NRP2: variants seen among roughly 807,000 people sequenced by gnomAD.
NRP2 encodes the protein neuropilin-2.
NRP2 carries 52 observed loss-of-function variants against 110.4 expected under a neutral mutation model. The observed-to-expected ratio is 0.47, with a 90% CI of 0.38 to 0.59. The LOEUF is 0.59. Ranked by LOEUF, NRP2 falls within the 20% of genes least tolerant of loss-of-function variation. NRP2 has a pLI of 0.00. For synonymous variants in NRP2, 508 were observed against 468.9 expected (o/e 1.08, Z -1.08); for missense variants, 1,049 against 1,203.0 (o/e 0.87, Z 1.89).
intron 9 of NRP2, chr2:205,743,796 T>G (rs912130625): frequency 2.8e-6 from 2 of 721,620 alleles, no homozygotes; most frequent in Middle Eastern, 4.2e-4. Flanking sequence ...CAGGCTGGAG[T>G]GCAGTGGCCT....
rs77317887 is a variant in NRP2, at chr2:205,760,333, T to C, written c.2045-3341T>C. Among the ~76,000 whole-genome samples, 358 of 152,310 alleles carry C rather than the reference T, an allele frequency of 2.4e-3. 1 individual carries two copies. The highest frequency in any genetic ancestry group is 8.4e-3 in the African/African-American group (349 of 41,576). ...TGCAGCTCAGCATCTCTCTGACTGA[T>C]GTCTACTGCTAATTCCTTAAATTTA... On this transcript the variant is annotated intron_variant, in intron 12 of 16. Coordinates refer to ENST00000357785, the MANE Select transcript of NRP2 (RefSeq NM_003872.3).
At chr2:205,697,826 T>C (rs1199996667) in intron 2 of NRP2, 105 bp downstream of exon 2, 2 of 1,127,346 alleles carry the variant, frequency 1.8e-6, no homozygotes, top group African/African-American at 1.5e-5. Flanking sequence ...CAAGACCTGC[T>C]GCTAACCAGT....
Position 205,749,766 on chromosome 2 carries a change from A to C in NRP2, c.1828A>C (p.Ser610Arg), listed in dbSNP as rs200406312. The C allele has an allele frequency of 1.6e-5, 26 of 1,614,188 alleles. No homozygotes were observed. Among genetic ancestry groups the C allele is most frequent in the African/African-American group, 4.0e-5 (3 of 75,066 alleles). The change falls in exon 11 of 17, where the codon AGC becomes CGC. Residue 610 changes from serine (S) to arginine (R), a missense_variant. Ser to Arg is a moderately radical substitution (Grantham distance 110, BLOSUM62 -1). Transcript: ENST00000357785. Reference protein sequence around the residue: ...TVETLGPTVKSEETTTPYPTE... With the variant: ...TVETLGPTVKREETTTPYPTE... ...AGAGACGCTGGGACCCACTGTGAAG[A>C]GCGAAGAGACAACCACCCCCTACCC... is the stretch of plus-strand genomic sequence containing the variant.
intron 11 of NRP2, 117 bp from the exon 12 acceptor site, chr2:205,752,718 C>A: frequency 9.3e-7 from 1 of 1,072,192 alleles, no homozygotes; most frequent in Non-Finnish European, 1.4e-6. Context: ...GCAAAGGAAG[C>A]CACTTCTTTC....
At chr2:205,685,412 CCA>C (rs1201601335) in intron 1 of NRP2, among the ~76,000 whole-genome samples, 1 of 34,710 alleles carries the variant, frequency 2.9e-5, no homozygotes, top group African/African-American at 5.5e-5. Context: ...CGAGGCCAAG[CCA>C]CATACCTCTG....
Position 205,683,234 on chromosome 2 carries a change from A to T in NRP2, c.-57A>T, listed in dbSNP as rs974971969. 1.6e-6 allele frequency: 2 copies of T among 1,283,648 alleles called. No individual in the cohort carries two copies. The highest frequency in any genetic ancestry group is 2.3e-6 in the Non-Finnish European group (2 of 884,308). 79.5% of individuals were successfully genotyped at this position (1,283,648 alleles called of 1,614,324 possible). On this transcript the variant is annotated 5_prime_UTR_variant, in exon 1 of 17. Coordinates refer to ENST00000357785, the MANE Select transcript of NRP2 (RefSeq NM_003872.3). ...AGGAAAATAAAAGAGAGAAAAACAC[A>T]AAGATTTAAACAAGAAACCTACGAA...
At chr2:205,736,096 C>T (rs2057336913) in intron 7 of NRP2, among the ~76,000 whole-genome samples, 1 of 152,126 alleles carries the variant, frequency 6.6e-6, no homozygotes, top group South Asian at 2.1e-4. Flanking sequence ...AATCCCAGCA[C>T]TTTGAGAGGT....
At chr2:205,720,451 A>T (rs1575584151) in intron 3 of NRP2, among the ~76,000 whole-genome samples, 1 of 152,190 alleles carries the variant, frequency 6.6e-6, no homozygotes, top group Non-Finnish European at 1.5e-5. Flanking sequence ...CCAAAGAAAG[A>T]TTCCGCCAGA....
chr2:205,714,643 T>A lies in NRP2; in HGVS notation c.252-1550T>A, dbSNP rs849544. Among the ~76,000 whole-genome samples the A allele has an allele frequency of 4.6e-5, 7 of 152,316 alleles. No homozygotes were observed. The East Asian group carries it at 1.3e-3, about 29-fold the overall frequency. ...CTAAACAGATTCCCCAACCTCACGG[T>A]CTTCTCAATCTGTGACCATCTCTCC... On this transcript the variant is annotated intron_variant, in intron 2 of 16. Transcript: ENST00000357785.
intron 3 of NRP2, among the ~76,000 whole-genome samples, chr2:205,719,441 C>T (rs2056967335): frequency 6.7e-6 from 1 of 149,190 alleles, no homozygotes; most frequent in Non-Finnish European, 1.5e-5. Flanking sequence ...CTTAAAAGAT[C>T]TCAAATCAAG....
intron 8 of NRP2, among the ~76,000 whole-genome samples, chr2:205,741,287 C>T (rs1426310621): frequency 6.6e-6 from 1 of 152,110 alleles, no homozygotes; most frequent in Non-Finnish European, 1.5e-5. Flanking sequence ...GGGATTTGAC[C>T]CAGCCTAGGA....
At chr2:205,698,515 A>G (rs148296071) in intron 2 of NRP2, among the ~76,000 whole-genome samples, 200 of 152,282 alleles carry the variant, frequency 1.3e-3, no homozygotes, top group African/African-American at 4.6e-3. Flanking sequence ...TGTGTGGCTT[A>G]GGAACTCCCA....
chr2:205,684,627 G>C (rs192215613), intron 1 of NRP2, among the ~76,000 whole-genome samples: 1 of 152,058 alleles, frequency 6.6e-6, no homozygotes, highest in Admixed American at 6.5e-5. Context: ...GAAAATTCAG[G>C]AATGCCTTTG....
At chr2:205,724,844 T>C (rs2057096807) in intron 5 of NRP2, among the ~76,000 whole-genome samples, 1 of 151,900 alleles carries the variant, frequency 6.6e-6, no homozygotes, top group Non-Finnish European at 1.5e-5. Flanking sequence ...TTTTTGTATT[T>C]TTAGCAGAGG....
chr2:205,768,031 C>T (rs1433818520), intron 15 of NRP2: 2 of 152,364 alleles, frequency 1.3e-5, no homozygotes, highest in Non-Finnish European at 2.9e-5. Flanking sequence ...TCCAAATCAT[C>T]TCACCCAATT....
intron 10 of NRP2, among the ~76,000 whole-genome samples, chr2:205,747,004 TGCAGCCTGCTAAAC>T (rs1337104526): frequency 6.6e-6 from 1 of 152,158 alleles, no homozygotes; most frequent in African/African-American, 2.4e-5. Flanking sequence ...CAAAGTTCCC[TGCAGCCTGCTAAAC>T]GTGTGTCACC....
Position 205,763,224 on chromosome 2 carries a change from C to T in NRP2, c.2045-450C>T, listed in dbSNP as rs965259044. Among the ~76,000 whole-genome samples, 1 of 152,118 alleles carries T rather than the reference C, an allele frequency of 6.6e-6. No individual in the cohort carries two copies. The highest frequency in any genetic ancestry group is 2.4e-5 in the African/African-American group (1 of 41,422). On this transcript the variant is annotated intron_variant, in intron 12 of 16. Coordinates refer to ENST00000357785, the MANE Select transcript of NRP2 (RefSeq NM_003872.3). This position sits in a 1 kb window ranked among gnomAD's most constrained non-coding sequence, Gnocchi z 4.0. ...CATCAACCACCTGGTCATAGTCACC[C>T]TCCAATCTAGCAGCCCCCCACCCCC...
intron 15 of NRP2, among the ~76,000 whole-genome samples, chr2:205,787,086 T>C (rs2058243838): frequency 6.6e-6 from 1 of 152,174 alleles, no homozygotes; most frequent in Admixed American, 6.5e-5. Context: ...ATTTCCTTCC[T>C]GTAAAGACAA....
chr2:205,785,256 G>C (rs998484941), intron 15 of NRP2, among the ~76,000 whole-genome samples: 1 of 152,144 alleles, frequency 6.6e-6, no homozygotes, highest in Non-Finnish European at 1.5e-5. Context: ...CACTCCATCT[G>C]AGTGACATAG....
Sources: gnomAD v4.1 joint callset for allele counts (sites outside exome capture counted in the v4.1 genomes callset) on GRCh38, gnomAD v4.1.1 for gene constraint, Gnocchi (gnomAD v3.1) non-coding constraint, MANE v1.5 for transcripts, NCBI Gene and HGNC (gene_info 2026-07-23, HGNC 2026-07-21) for gene names.